The following PAK3 variants were observed in gnomAD, a reference collection of about 807,000 sequenced individuals.
PAK3 encodes the protein p21 (RAC1) activated kinase 3, also known as serine/threonine-protein kinase PAK 3.
Under a neutral mutation model 41.0 loss-of-function variants are expected in PAK3, and 4 were observed. The observed-to-expected ratio is 0.10, with a 90% CI of 0.05 to 0.22. The LOEUF (loss-of-function observed/expected upper bound fraction) is 0.22. Among genes scored for constraint, PAK3 ranks in the 10% least tolerant of loss-of-function variants. PAK3 has a pLI of 1.00. For missense variants in PAK3, 205 were observed against 409.9 expected, an observed-to-expected ratio of 0.50 and a Z score of 4.32; for synonymous variants, 146 against 139.6, an observed-to-expected ratio of 1.05 and a Z score of -0.32.
chrX:110,984,872 T>A (rs1343592039), intron 1 of PAK3, among the ~76,000 whole-genome samples: 1 of 110,175 alleles, frequency 9.1e-6, no homozygotes, highest in African/African-American at 3.3e-5. Context: ...TTCAAGACTG[T>A]AATTCCAGCA....
At position 111,064,968 on chromosome X, in the gene PAK3, G is replaced by A. The variant is rs756966792; in HGVS notation, c.-27-58109G>A. On this transcript the variant is annotated intron_variant, in intron 1 of 14. Transcript: ENST00000425146. ...TGGTGGAGTCTTTAAGGTTGTCTAGGTATAGATTCATGAAGGTATAGCATT... is the reference window on the plus strand; with the variant it reads ...TGGTGGAGTCTTTAAGGTTGTCTAGATATAGATTCATGAAGGTATAGCATT... Among the ~76,000 whole-genome samples the A allele has an allele frequency of 2.7e-5, 3 of 112,115 alleles. No homozygotes were observed. In the South Asian group the frequency reaches 1.1e-3, roughly 42 times the overall value.
chrX:111,080,597 C>T (rs73539066), intron 1 of PAK3, among the ~76,000 whole-genome samples: 4,919 of 111,385 alleles, frequency 0.044, 260 homozygotes, highest in African/African-American at 0.15. Context: ...GGAACCAAAC[C>T]GTCAATATCT....
At chrX:111,136,041 G>T (rs143744460) in intron 5 of PAK3, among the ~76,000 whole-genome samples, 2,124 of 110,824 alleles carry the variant, frequency 0.019, 43 homozygotes, top group African/African-American at 0.061. Context: ...AAGAGAAGAA[G>T]ATGCTACTGC....
intron 7 of PAK3, among the ~76,000 whole-genome samples, chrX:111,150,365 G>A (rs2094008358): frequency 9.0e-6 from 1 of 111,581 alleles, no homozygotes; most frequent in African/African-American, 3.3e-5. Context: ...ACATTATTGG[G>A]TATCTTTTTA....
intron 1 of PAK3, among the ~76,000 whole-genome samples, chrX:111,040,440 T>G (rs1316636680): frequency 9.0e-6 from 1 of 111,694 alleles, no homozygotes; most frequent in African/African-American, 3.3e-5. Context: ...TATAGATACA[T>G]TTTATATACT....
intron 1 of PAK3, among the ~76,000 whole-genome samples, chrX:111,037,358 TTTGAAA>T (rs1326684354): frequency 1.8e-5 from 2 of 112,212 alleles, no homozygotes; most frequent in African/African-American, 6.5e-5. Context: ...CTACAAATAG[TTTGAAA>T]TTGAGAGGAT....
intron 1 of PAK3, among the ~76,000 whole-genome samples, chrX:111,074,233 A>T (rs1220698098): frequency 9.0e-6 from 1 of 111,621 alleles, no homozygotes; most frequent in African/African-American, 3.3e-5. Flanking sequence ...TCCAAACCTC[A>T]TGTTGAAATA....
chrX:111,009,601 G>A (rs750799073), intron 1 of PAK3, among the ~76,000 whole-genome samples: 62 of 111,926 alleles, frequency 5.5e-4, no homozygotes, highest in African/African-American at 1.7e-3. Context: ...TGGCCTCCCC[G>A]TTATTATGAG....
At chrX:111,052,225 G>A (rs1376117351) in intron 1 of PAK3, among the ~76,000 whole-genome samples, 2 of 112,436 alleles carry the variant, frequency 1.8e-5, no homozygotes, top group Non-Finnish European at 3.8e-5. Flanking sequence ...GTTAGAACCA[G>A]CAAGCATTGA....
chrX:111,010,931 C>A (rs960794535), intron 1 of PAK3, among the ~76,000 whole-genome samples: 1 of 111,622 alleles, frequency 9.0e-6, no homozygotes, highest in Non-Finnish European at 1.9e-5. Flanking sequence ...TTGATATATC[C>A]GGGGCTGAAT....
chrX:111,056,178 T>C (rs1458469912), intron 1 of PAK3, among the ~76,000 whole-genome samples: 1 of 111,760 alleles, frequency 8.9e-6, no homozygotes, highest in Non-Finnish European at 1.9e-5. Flanking sequence ...ATGGAGTTTA[T>C]GTTCCTGGAA....
At chrX:111,086,576 C>G (rs910146166) in intron 1 of PAK3, among the ~76,000 whole-genome samples, 3 of 111,401 alleles carry the variant, frequency 2.7e-5, no homozygotes, top group Non-Finnish European at 3.8e-5. Context: ...CTTCCCACCC[C>G]CTGCCATCTA....
intron 5 of PAK3, among the ~76,000 whole-genome samples, chrX:111,133,054 G>GT (rs1367790416): frequency 8.9e-6 from 1 of 111,749 alleles, no homozygotes; most frequent in Non-Finnish European, 1.9e-5. Flanking sequence ...ACCATGGCAT[G>GT]TGTACCTTTA....
chrX:110,979,628 C>A (rs566466234), intron 1 of PAK3, among the ~76,000 whole-genome samples: 1 of 111,872 alleles, frequency 8.9e-6, no homozygotes, highest in Non-Finnish European at 1.9e-5. Context: ...GATTTCTGCT[C>A]ATATATTTAT....
chrX:110,992,975 A>T (rs930514119), intron 1 of PAK3, among the ~76,000 whole-genome samples: 1 of 111,354 alleles, frequency 9.0e-6, no homozygotes, highest in Non-Finnish European at 1.9e-5. Context: ...CCTATTATAG[A>T]ATGGTTTTCT....
At chrX:110,962,905 T>TC (rs1265422843) in intron 1 of PAK3, among the ~76,000 whole-genome samples, 2 of 110,934 alleles carry the variant, frequency 1.8e-5, no homozygotes, top group African/African-American at 6.7e-5. Context: ...AGGAACTTTA[T>TC]CCCCCCTAGA....
chrX:111,065,754 C>A (rs1020050803), intron 1 of PAK3, among the ~76,000 whole-genome samples: 2 of 111,326 alleles, frequency 1.8e-5, no homozygotes, highest in East Asian at 5.6e-4. Context: ...TTAATCTTTT[C>A]AGGGTTCCAA....
intron 1 of PAK3, among the ~76,000 whole-genome samples, chrX:111,015,633 A>G (rs1226858027): frequency 9.0e-6 from 1 of 111,102 alleles, no homozygotes; most frequent in Admixed American, 9.6e-5. Context: ...TCTTGTTGAT[A>G]ATGGCCATCC....
chrX:111,171,310 A>C (rs1422693766), intron 10 of PAK3, among the ~76,000 whole-genome samples: 2 of 111,622 alleles, frequency 1.8e-5, no homozygotes, highest in African/African-American at 6.5e-5. Context: ...TGTTAGTAAG[A>C]TATAACTCAA....
Sources: gnomAD v4.1 joint callset for allele counts (sites outside exome capture counted in the v4.1 genomes callset) on GRCh38, gnomAD v4.1.1 for gene constraint, MANE v1.5 for transcripts, NCBI Gene and HGNC (gene_info 2026-07-23, HGNC 2026-07-21) for gene names.